RPA3: variants seen among roughly 807,000 people sequenced by gnomAD.
The protein encoded by RPA3 is replication protein A 14 kDa subunit.
Under a neutral mutation model 13.7 loss-of-function variants are expected in RPA3, and 24 were observed. That is an observed-to-expected ratio of 1.75 (90% confidence interval 1.27 to 2.46). The LOEUF (loss-of-function observed/expected upper bound fraction) is 2.46, where lower values mean the gene tolerates loss of function less well. Among genes scored for constraint, RPA3 ranks in the 30% most tolerant of loss-of-function variants. The pLI is 0.00. For missense variants in RPA3, 183 were observed against 151.0 expected (o/e 1.21, Z -1.11); for synonymous variants, 59 against 51.2 (o/e 1.15, Z -0.65).
chr7:7,690,256 G>A (rs78745038), intron 2 of RPA3, among the ~76,000 whole-genome samples: 2,617 of 152,114 alleles, frequency 0.017, 78 homozygotes, highest in African/African-American at 0.06. Flanking sequence ...TTTCCAAAAC[G>A]CTGAAGGCAA....
At chr7:7,672,718 C>T (rs567779847) in intron 4 of RPA3, among the ~76,000 whole-genome samples, 3 of 152,284 alleles carry the variant, frequency 2.0e-5, no homozygotes, top group African/African-American at 7.2e-5. Context: ...GAGGCCTCCC[C>T]AGCCATGTGA....
chr7:7,712,419 A>G (rs1780788208), intron 2 of RPA3, among the ~76,000 whole-genome samples: 1 of 152,044 alleles, frequency 6.6e-6, no homozygotes, highest in African/African-American at 2.4e-5. Context: ...TAAAAATCAC[A>G]TTTCTGCTTT....
At chr7:7,649,172 AAAAAAAAG>A (rs1785165133) in intron 4 of RPA3, among the ~76,000 whole-genome samples, 1 of 143,064 alleles carries the variant, frequency 7.0e-6, no homozygotes, top group Non-Finnish European at 1.5e-5. Flanking sequence ...AAAAAAAAAA[AAAAAAAAG>A]AAAAGAAAAG....
chr7:7,646,296 G>A (rs551940230), intron 4 of RPA3, among the ~76,000 whole-genome samples: 4 of 87,904 alleles, frequency 4.6e-5, no homozygotes, highest in Non-Finnish European at 4.8e-5. Context: ...ATGGTGATAC[G>A]GTTTGGCTGT....
chr7:7,668,021 G>C (rs570948840), intron 4 of RPA3, among the ~76,000 whole-genome samples: 33 of 152,084 alleles, frequency 2.2e-4, no homozygotes, highest in Non-Finnish European at 2.5e-4. Flanking sequence ...GGCTCAAGCA[G>C]TCCTCCAACC....
rs28912703 is a variant in RPA3, at chr7:7,695,462, C to A, written c.-1027-8134G>T. 4.5e-3 allele frequency among the ~76,000 whole-genome samples: 678 copies of A among 152,172 alleles called. 7 individuals are homozygous for A. The highest frequency in any genetic ancestry group is 0.016 in the African/African-American group (652 of 41,522). On this transcript the variant is annotated intron_variant, in intron 2 of 7. Coordinates refer to ENST00000223129, the MANE Select transcript of RPA3 (RefSeq NM_002947.5). ...TGATTTTTTTTACTCTGATTCTGTC[C>A]ATTTAATTTTTATTACATGTTTCTC...
intron 4 of RPA3, among the ~76,000 whole-genome samples, chr7:7,675,428 G>A (rs1423830586): frequency 6.6e-6 from 1 of 152,134 alleles, no homozygotes; most frequent in African/African-American, 2.4e-5. Context: ...TAGTCCTGAT[G>A]AGACATTCCA....
chr7:7,705,500 A>G (rs1224652992), intron 2 of RPA3, among the ~76,000 whole-genome samples: 1 of 152,170 alleles, frequency 6.6e-6, no homozygotes, highest in African/African-American at 2.4e-5. Flanking sequence ...TCAGTGTGTT[A>G]TTACAAAATG....
At chr7:7,652,809 C>G (rs886723) in intron 4 of RPA3, among the ~76,000 whole-genome samples, 141,959 of 152,318 alleles carry the variant, frequency 0.93, 66,234 homozygotes, top group African/African-American at 0.98. Flanking sequence ...AGTAAGCCTT[C>G]TGATGATGCA....
intron 2 of RPA3, among the ~76,000 whole-genome samples, chr7:7,696,780 T>C (rs1484499333): frequency 6.6e-6 from 1 of 152,164 alleles, no homozygotes. Context: ...ATTAACTCTA[T>C]AGGTAGGGCC....
chr7:7,661,814 C>T (rs551313193), intron 4 of RPA3, among the ~76,000 whole-genome samples: 2 of 152,190 alleles, frequency 1.3e-5, no homozygotes, highest in African/African-American at 4.8e-5. Flanking sequence ...GCAGTCTGAC[C>T]CTTAGCAGAG....
At chr7:7,716,013 AT>A (rs5882134) in intron 1 of RPA3, among the ~76,000 whole-genome samples, 2 of 152,144 alleles carry the variant, frequency 1.3e-5, no homozygotes, top group African/African-American at 4.8e-5. Flanking sequence ...AAATCGAATA[AT>A]TTTTTAAATT....
At chr7:7,684,484 C>T (rs1378375476) in intron 4 of RPA3, among the ~76,000 whole-genome samples, 1 of 152,114 alleles carries the variant, frequency 6.6e-6, no homozygotes, top group African/African-American at 2.4e-5. Flanking sequence ...GTTGGGATTA[C>T]TGGCCTGAGC....
At chr7:7,699,353 T>G (rs1288538319) in intron 2 of RPA3, among the ~76,000 whole-genome samples, 1 of 152,238 alleles carries the variant, frequency 6.6e-6, no homozygotes, top group Non-Finnish European at 1.5e-5. Flanking sequence ...CTCATAAACT[T>G]GGACCTCAAG....
chr7:7,703,951 GAA>G (rs1156465235), intron 2 of RPA3, among the ~76,000 whole-genome samples: 1 of 151,750 alleles, frequency 6.6e-6, no homozygotes, highest in Non-Finnish European at 1.5e-5. Context: ...ACAAAGGAAA[GAA>G]AGAAGGAAGG....
intron 2 of RPA3, among the ~76,000 whole-genome samples, chr7:7,688,873 G>A (rs1409233838): frequency 6.6e-6 from 1 of 152,120 alleles, no homozygotes; most frequent in Non-Finnish European, 1.5e-5. Flanking sequence ...TATTTGGTTA[G>A]AAAACTTGGT....
chr7:7,658,206 T>G (rs1304245873), intron 4 of RPA3, among the ~76,000 whole-genome samples: 14 of 152,252 alleles, frequency 9.2e-5, no homozygotes, highest in Non-Finnish European at 2.1e-4. Flanking sequence ...TAAGGAGATT[T>G]TGGGCTGAGA....
At position 7,640,410 on chromosome 7, in the gene RPA3, G is replaced by A. The variant is rs1044254055; in HGVS notation, c.9C>T (p.Asp3=). 1.2e-6 allele frequency: 2 copies of A among 1,613,992 alleles called. No homozygotes were observed. The highest frequency in any genetic ancestry group is 1.7e-6 in the Non-Finnish European group (2 of 1,180,006). The part of the protein sequence containing the change: MV[D]MMDLPRSRIN... Reference sequence around the variant, plus strand: ...TGCGCGACCTGGGCAAGTCCATCATGTCCACCATGATTATGGTCCAAGACT... The same window carrying A: ...TGCGCGACCTGGGCAAGTCCATCATATCCACCATGATTATGGTCCAAGACT... Residue 3 remains aspartate, a synonymous_variant, in exon 5 of 8, where the codon GAC becomes GAT. Coordinates refer to ENST00000223129, the MANE Select transcript of RPA3 (RefSeq NM_002947.5).
chr7:7,704,174 T>G (rs187119377), intron 2 of RPA3, among the ~76,000 whole-genome samples: 1 of 152,270 alleles, frequency 6.6e-6, no homozygotes, highest in African/African-American at 2.4e-5. Flanking sequence ...GGCCAACTGT[T>G]TTCTGTTGAG....
Sources: gnomAD v4.1 joint callset for allele counts (sites outside exome capture counted in the v4.1 genomes callset) on GRCh38, gnomAD v4.1.1 for gene constraint, MANE v1.5 for transcripts, NCBI Gene and HGNC (gene_info 2026-07-23, HGNC 2026-07-21) for gene names.